The following BPNT2 variants were observed in gnomAD, a reference collection of about 807,000 sequenced individuals.
The protein encoded by BPNT2 is 3'(2'), 5'-bisphosphate nucleotidase 2, also known as Golgi-resident adenosine 3',5'-bisphosphate 3'-phosphatase.
BPNT2 carries 11 observed loss-of-function variants against 29.3 expected under a neutral mutation model. The observed-to-expected ratio is 0.38, with a 90% CI of 0.24 to 0.62. The LOEUF is 0.62. Ranked by LOEUF, BPNT2 falls within the 20% of genes least tolerant of loss-of-function variation. The pLI, the probability that BPNT2 is intolerant of heterozygous loss-of-function variation, is 0.62. For synonymous variants in BPNT2, 195 were observed against 187.7 expected (o/e 1.04, Z -0.32); for missense variants, 459 against 473.4 (o/e 0.97, Z 0.28).
rs371910035 is a variant in BPNT2, at chr8:56,969,306, A to G, written c.647-2954T>C. ...TATCAAGACTATAGACAAAGTTGTT[A>G]GCATGTACTCAGGGAAGATCATACC... On this transcript the variant is annotated intron_variant, in intron 3 of 4. Coordinates refer to ENST00000262644, the MANE Select transcript of BPNT2 (RefSeq NM_017813.5). 3.3e-5 allele frequency among the ~76,000 whole-genome samples: 5 copies of G among 152,366 alleles called. No homozygotes were observed. The East Asian group carries it at 7.7e-4, about 23-fold the overall frequency.
chr8:56,971,490 C>T (rs560445619), intron 3 of BPNT2, among the ~76,000 whole-genome samples: 5 of 151,672 alleles, frequency 3.3e-5, no homozygotes, highest in African/African-American at 7.3e-5. Context: ...AGATTTGTGA[C>T]GATTTGAAAA....
intron 3 of BPNT2, among the ~76,000 whole-genome samples, chr8:56,976,110 T>C (rs1319155785): frequency 6.6e-6 from 1 of 152,184 alleles, no homozygotes; most frequent in African/African-American, 2.4e-5. Context: ...AAGAGATGCA[T>C]GTTTGACTTC....
In BPNT2 at chr8:56,993,803, G is replaced by C. The variant is rs1489101238; in HGVS notation, c.-218C>G. On this transcript the variant is annotated 5_prime_UTR_variant, in exon 1 of 5. Coordinates refer to ENST00000262644, the MANE Select transcript of BPNT2 (RefSeq NM_017813.5). The stretch of plus-strand genomic sequence containing the variant: ...CCCCGCGCGCCTGACTCGCCAGGCA[G>C]CGCGCTCTAGGTTCTTCCGCCGGCC... 5 of 509,844 alleles carry C rather than the reference G, an allele frequency of 9.8e-6. No homozygotes were observed. In the East Asian group the frequency reaches 5.8e-4, roughly 59 times the overall value. 31.6% of individuals were successfully genotyped at this position (509,844 alleles called of 1,614,324 possible).
chr8:56,985,167 T>C (rs1311595729), intron 1 of BPNT2, among the ~76,000 whole-genome samples: 4 of 152,090 alleles, frequency 2.6e-5, no homozygotes, highest in Non-Finnish European at 5.9e-5. Flanking sequence ...ACATTTACTA[T>C]CTTGATCAGC....
intron 1 of BPNT2, among the ~76,000 whole-genome samples, chr8:56,981,381 A>G (rs1356226710): frequency 6.6e-6 from 1 of 152,204 alleles, no homozygotes; most frequent in East Asian, 1.9e-4. Flanking sequence ...CCTGGCCGAC[A>G]TGGTAAAACC....
intron 1 of BPNT2, among the ~76,000 whole-genome samples, chr8:56,986,219 C>A (rs1806325115): frequency 6.6e-6 from 1 of 152,260 alleles, no homozygotes; most frequent in Admixed American, 6.5e-5. Flanking sequence ...TTCCTTTAAA[C>A]CTCAACCTTG....
At chr8:56,976,283 C>T (rs1447518892) in intron 3 of BPNT2, among the ~76,000 whole-genome samples, 1 of 152,140 alleles carries the variant, frequency 6.6e-6, no homozygotes, top group East Asian at 1.9e-4. Flanking sequence ...AGGGAACTAC[C>T]TTGGCAGTCA....
intron 1 of BPNT2, among the ~76,000 whole-genome samples, chr8:56,992,850 T>C (rs949266567): frequency 2.6e-4 from 39 of 152,050 alleles, no homozygotes; most frequent in African/African-American, 8.9e-4. Flanking sequence ...CAAGGAAGGA[T>C]AGAGAGTCTT....
intron 1 of BPNT2, among the ~76,000 whole-genome samples, chr8:56,989,354 A>G (rs1385113106): frequency 6.0e-5 from 9 of 150,256 alleles, no homozygotes; most frequent in Non-Finnish European, 1.2e-4. Flanking sequence ...CCTGGGCGAC[A>G]GAGCGAGACA....
intron 3 of BPNT2, chr8:56,967,235 C>CA: frequency 2.2e-6 from 1 of 456,232 alleles, no homozygotes. Context: ...AGAAAAAAAT[C>CA]AAAAACATTA....
At chr8:56,964,261 C>A (rs1430404895) in intron 4 of BPNT2, 197 bp from the exon 5 acceptor site, 2 of 503,232 alleles carry the variant, frequency 4.0e-6, no homozygotes, top group Non-Finnish European at 7.0e-6. Flanking sequence ...AAACTCAGAA[C>A]AAAAATACAT....
chr8:56,976,835 A>G (rs1163167877), intron 3 of BPNT2, among the ~76,000 whole-genome samples: 1 of 152,152 alleles, frequency 6.6e-6, no homozygotes, highest in Non-Finnish European at 1.5e-5. Context: ...TGGGATGCCC[A>G]TTGTATCAGT....
At chr8:56,981,196 T>C (rs1277277874) in intron 1 of BPNT2, among the ~76,000 whole-genome samples, 1 of 152,202 alleles carries the variant, frequency 6.6e-6, no homozygotes, top group African/African-American at 2.4e-5. Flanking sequence ...TCCCATCCTA[T>C]GTAAAAAACA....
At chr8:56,978,207 T>C (rs575302788) in intron 2 of BPNT2, 62 bp from the exon 3 acceptor site, 1 of 1,007,830 alleles carries the variant, frequency 9.9e-7, no homozygotes, top group Non-Finnish European at 1.6e-6. Context: ...AAATTCAAGA[T>C]ACAATATTAC....
At chr8:56,978,904 G>C (rs555470974) in intron 2 of BPNT2, among the ~76,000 whole-genome samples, 10 of 152,288 alleles carry the variant, frequency 6.6e-5, no homozygotes, top group South Asian at 4.1e-4. Flanking sequence ...TAGAGAGTGG[G>C]AGGAGGAAGA....
At position 56,985,171 on chromosome 8, in the gene BPNT2, G is replaced by C. The variant is rs114744324; in HGVS notation, c.388-4974C>G. On this transcript the variant is annotated intron_variant, in intron 1 of 4. Transcript: ENST00000262644. ...GTTACTTGTTTACATTTACTATCTT[G>C]ATCAGCTAGAACGTAAATTCTGTGG... Among the ~76,000 whole-genome samples, 368 of 151,862 alleles carry C rather than the reference G, an allele frequency of 2.4e-3. 1 individual carries two copies. Among genetic ancestry groups the C allele is most frequent in the African/African-American group, 8.5e-3 (352 of 41,400 alleles).
chr8:56,964,319 G>C (rs1339683634), intron 4 of BPNT2: 9 of 320,440 alleles, frequency 2.8e-5, no homozygotes, highest in African/African-American at 4.4e-5. Context: ...TATTTTTTGA[G>C]ACAGAGTCTC....
intron 1 of BPNT2, among the ~76,000 whole-genome samples, chr8:56,986,157 G>C (rs1036440153): frequency 6.6e-6 from 1 of 152,164 alleles, no homozygotes; most frequent in Non-Finnish European, 1.5e-5. Context: ...CTCCTAAGTA[G>C]TTTAAGAGCC....
chr8:56,992,046 AAG>A (rs563818741), intron 1 of BPNT2, among the ~76,000 whole-genome samples: 61 of 152,338 alleles, frequency 4.0e-4, no homozygotes, highest in African/African-American at 1.5e-3. Context: ...CCACTGGAAA[AAG>A]AAAAAGACGA....
Sources: allele counts gnomAD v4.1 joint callset (sites outside exome capture counted in the v4.1 genomes callset), GRCh38; gene constraint gnomAD v4.1.1; transcripts MANE v1.5; gene names NCBI Gene and HGNC (gene_info 2026-07-23, HGNC 2026-07-21).